Variants in CRISPLD2 observed in about 807,000 individuals in gnomAD.
The protein encoded by CRISPLD2 is cysteine-rich secretory protein LCCL domain-containing 2.
In CRISPLD2, 47 loss-of-function variants were observed where a neutral mutation model predicts 71.1. That is an observed-to-expected ratio of 0.66 (90% CI 0.52 to 0.84). The LOEUF (loss-of-function observed/expected upper bound fraction) is 0.84. Ranked by LOEUF, CRISPLD2 falls within the 40% of genes least tolerant of loss-of-function variation. The pLI, the probability that CRISPLD2 is intolerant of heterozygous loss-of-function variation, is 0.00. For missense variants in CRISPLD2, 830 were observed against 651.1 expected (o/e 1.27, Z -2.99); for synonymous variants, 317 against 250.1 (o/e 1.27, Z -2.52).
chr16:84,877,479 C>G lies in CRISPLD2; in HGVS notation c.1198C>G (p.Pro400Ala). The G allele has an allele frequency of 6.2e-7, 1 of 1,613,972 alleles. No homozygotes were observed. Among genetic ancestry groups the G allele is most frequent in the Admixed American group, 1.7e-5 (1 of 60,012 alleles). ...DCYTTVAQLCPFEKPATHCPR... is the reference protein window; with the variant it reads ...DCYTTVAQLCAFEKPATHCPR... ...CTACACGACCGTTGCTCAGCTGTGCCCGTTTGAAAAGCCAGCAACTCACTG... is the reference window on the plus strand; with the variant it reads ...CTACACGACCGTTGCTCAGCTGTGCGCGTTTGAAAAGCCAGCAACTCACTG... The change falls in exon 12 of 15, where the codon CCG (proline) becomes GCG (alanine). Residue 400 changes from proline to alanine, a missense_variant. Transcript: ENST00000262424.
intron 12 of CRISPLD2, among the ~76,000 whole-genome samples, chr16:84,878,415 C>G (rs2071540144): frequency 6.6e-6 from 1 of 152,174 alleles, no homozygotes; most frequent in Admixed American, 6.5e-5. Flanking sequence ...GCTTTTTCAG[C>G]AAAATTATGG....
chr16:84,867,401 G>T (rs1377348340), intron 7 of CRISPLD2, among the ~76,000 whole-genome samples: 5 of 152,172 alleles, frequency 3.3e-5, no homozygotes, highest in Non-Finnish European at 7.3e-5. Context: ...GGCTCTGGAA[G>T]GTTCCACTCC....
At chr16:84,851,203 AAC>A (rs1411645496) in intron 5 of CRISPLD2, among the ~76,000 whole-genome samples, 4 of 152,214 alleles carry the variant, frequency 2.6e-5, no homozygotes, top group African/African-American at 9.7e-5. Context: ...CACCCTAGAA[AAC>A]ACATGTTCAC....
intron 6 of CRISPLD2, among the ~76,000 whole-genome samples, chr16:84,858,793 T>C (rs1479018136): frequency 6.6e-6 from 1 of 152,174 alleles, no homozygotes; most frequent in Non-Finnish European, 1.5e-5. Flanking sequence ...CGGACGTGAA[T>C]GGAGAAAAAG....
intron 1 of CRISPLD2, among the ~76,000 whole-genome samples, chr16:84,824,070 A>G (rs1251203950): frequency 6.6e-6 from 1 of 152,206 alleles, no homozygotes; most frequent in Non-Finnish European, 1.5e-5. Context: ...AGAGCCTGAT[A>G]ACGCCTAGAG....
chr16:84,877,516 G>T lies in CRISPLD2; in HGVS notation c.1229+6G>T. On this transcript the variant is annotated splice_donor_region_variant and intron_variant, in intron 12 of 14. Transcript: ENST00000262424. ...CCAGCAACTCACTGCCCAAGGTAAG[G>T]CGGGCCTGATCTGTCATCTTTTCTA... 2 of 1,613,584 alleles carry T rather than the reference G, an allele frequency of 1.2e-6. No individual in the cohort carries two copies. The highest frequency in any genetic ancestry group is 1.7e-6 in the Non-Finnish European group (2 of 1,179,616).
intron 6 of CRISPLD2, among the ~76,000 whole-genome samples, chr16:84,857,778 G>A (rs909307627): frequency 2.6e-5 from 4 of 152,328 alleles, no homozygotes; most frequent in Middle Eastern, 3.4e-3. Flanking sequence ...CAGGCTGGGG[G>A]AAAGAAGGCA....
Position 84,877,399 on chromosome 16 carries a change from G to A in CRISPLD2, c.1157-39G>A, listed in dbSNP as rs78331247. On this transcript the variant is annotated intron_variant, in intron 11 of 14. Coordinates refer to ENST00000262424, the MANE Select transcript of CRISPLD2 (RefSeq NM_031476.4). ...GCCTGGTAGCCTGAGGCCCAGGCGT[G>A]CTGGGACCTGACCCTTTCCCCCTTG... is the stretch of plus-strand genomic sequence containing the variant. The A allele has an allele frequency of 5.5e-4, 884 of 1,596,436 alleles. 6 individuals are homozygous for A. In the East Asian group the frequency reaches 0.014, roughly 25 times the overall value.
chr16:84,828,830 T>C (rs1348489063), intron 1 of CRISPLD2, among the ~76,000 whole-genome samples: 1 of 152,210 alleles, frequency 6.6e-6, no homozygotes, highest in Middle Eastern at 3.2e-3. Flanking sequence ...CTTAGCATAG[T>C]ATGTAAACAA....
At chr16:84,861,294 C>T (rs772084955) in intron 6 of CRISPLD2, among the ~76,000 whole-genome samples, 2 of 152,008 alleles carry the variant, frequency 1.3e-5, no homozygotes, top group African/African-American at 2.4e-5. Flanking sequence ...CTGTATTCGT[C>T]GGGGTTCTCT....
intron 2 of CRISPLD2, among the ~76,000 whole-genome samples, chr16:84,841,501 A>G (rs1377065379): frequency 6.6e-6 from 1 of 151,928 alleles, no homozygotes; most frequent in African/African-American, 2.4e-5. Context: ...CTTTTTTTCT[A>G]TGAGGAATAG....
At chr16:84,899,210 G>A (rs1212510934) in intron 14 of CRISPLD2, among the ~76,000 whole-genome samples, 1 of 152,098 alleles carries the variant, frequency 6.6e-6, no homozygotes, top group Admixed American at 6.6e-5. Context: ...TCAATACCCT[G>A]TATCAAAGTT....
At chr16:84,824,532 T>C (rs535906773) in intron 1 of CRISPLD2, among the ~76,000 whole-genome samples, 49 of 152,328 alleles carry the variant, frequency 3.2e-4, no homozygotes, top group African/African-American at 1.1e-3. Context: ...CTTCTGCTTA[T>C]GGCAAGGTGA....
At chr16:84,897,528 C>A (rs566360014) in intron 14 of CRISPLD2, among the ~76,000 whole-genome samples, 2 of 152,290 alleles carry the variant, frequency 1.3e-5, no homozygotes, top group Non-Finnish European at 2.9e-5. Context: ...CTTCCCATAC[C>A]CAGAAACAAC....
In CRISPLD2 at chr16:84,838,640, A is replaced by G; in HGVS notation, c.145A>G (p.Arg49Gly). The G allele has an allele frequency of 6.2e-7, 1 of 1,614,202 alleles. No homozygotes were observed. Among genetic ancestry groups the G allele is most frequent in the South Asian group, 1.1e-5 (1 of 91,088 alleles). ...QHNESHSRVR[R>G]AIPREDKEEI... is the part of the protein sequence containing the mutation. ...CAACGAGTCTCACTCCCGGGTCCGC[A>G]GAGCCATCCCCAGGGAGGACAAGGA... The change falls in exon 2 of 15, where the codon AGA becomes GGA. Residue 49 changes from arginine (R) to glycine (G), a missense_variant. By Grantham distance (125) the Arg-to-Gly change is moderately radical (BLOSUM62 -2). Coordinates refer to ENST00000262424, the MANE Select transcript of CRISPLD2 (RefSeq NM_031476.4).
intron 1 of CRISPLD2, among the ~76,000 whole-genome samples, chr16:84,822,290 G>A (rs546056833): frequency 1.8e-4 from 27 of 152,322 alleles, no homozygotes; most frequent in African/African-American, 6.5e-4. Flanking sequence ...AGAAGACTGC[G>A]AGGTCTCTTA....
chr16:84,875,277 G>T (rs1214410644), intron 11 of CRISPLD2, among the ~76,000 whole-genome samples: 1 of 151,928 alleles, frequency 6.6e-6, no homozygotes, highest in Non-Finnish European at 1.5e-5. Context: ...GTGTGTGTGT[G>T]TGTCAGGAAT....
chr16:84,849,286 C>G, intron 3 of CRISPLD2, 99 bp from the exon 4 acceptor site: 1 of 1,239,956 alleles, frequency 8.1e-7, no homozygotes, highest in Non-Finnish European at 1.1e-6. Context: ...TATTCACCCT[C>G]CTCGGCCTCC....
At chr16:84,899,920 C>T (rs1215970241) in intron 14 of CRISPLD2, among the ~76,000 whole-genome samples, 2 of 152,158 alleles carry the variant, frequency 1.3e-5, no homozygotes, top group African/African-American at 2.4e-5. Flanking sequence ...GCCCCCCATG[C>T]AGAATAACCA....
Sources: gnomAD v4.1 joint callset for allele counts (sites outside exome capture counted in the v4.1 genomes callset) on GRCh38, gnomAD v4.1.1 for gene constraint, MANE v1.5 for transcripts, NCBI Gene and HGNC (gene_info 2026-07-23, HGNC 2026-07-21) for gene names.